Variants in ADAMTS12 observed in about 807,000 individuals in gnomAD.
The protein encoded by ADAMTS12 is ADAM metallopeptidase with thrombospondin type 1 motif 12.
In ADAMTS12, 118 loss-of-function variants were observed where a neutral mutation model predicts 167.8. The ratio of observed to expected loss-of-function variants is 0.70; its 90% CI spans 0.61 to 0.82. The LOEUF (loss-of-function observed/expected upper bound fraction) is 0.82. Among genes scored for constraint, ADAMTS12 ranks in the 40% least tolerant of loss-of-function variants. The pLI is 0.00. For missense variants in ADAMTS12, 1,916 were observed against 1,998.8 expected (o/e 0.96, Z 0.79); for synonymous variants, 704 against 716.9 (o/e 0.98, Z 0.29).
intron 3 of ADAMTS12, among the ~76,000 whole-genome samples, chr5:33,697,582 C>T (rs5015481): frequency 0.81 from 122,840 of 151,724 alleles, 49,800 homozygotes; most frequent in South Asian, 0.89. Context: ...TTCTCCTTTT[C>T]TTCCTTTTAG....
chr5:33,582,879 T>A (rs549117686), intron 18 of ADAMTS12, among the ~76,000 whole-genome samples: 2 of 152,370 alleles, frequency 1.3e-5, no homozygotes, highest in East Asian at 3.9e-4. Flanking sequence ...TAGGTGTATA[T>A]ATTTATGGGG....
At chr5:33,739,667 T>C (rs1043457603) in intron 3 of ADAMTS12, among the ~76,000 whole-genome samples, 1 of 152,194 alleles carries the variant, frequency 6.6e-6, no homozygotes, top group African/African-American at 2.4e-5. Flanking sequence ...TGACCCGTGA[T>C]GATGAGCTAG....
chr5:33,719,283 C>T (rs1743721963), intron 3 of ADAMTS12, among the ~76,000 whole-genome samples: 1 of 152,062 alleles, frequency 6.6e-6, no homozygotes. Context: ...AGAGTGCAGT[C>T]ATGAAGGGAG....
intron 2 of ADAMTS12, among the ~76,000 whole-genome samples, chr5:33,851,418 AT>A (rs1371244685): frequency 6.6e-6 from 1 of 152,348 alleles, no homozygotes; most frequent in Non-Finnish European, 1.5e-5. Context: ...TCTCAAAAAA[AT>A]AAAATAAAAT....
intron 2 of ADAMTS12, among the ~76,000 whole-genome samples, chr5:33,806,531 C>CA (rs1276529067): frequency 1.3e-5 from 2 of 152,198 alleles, no homozygotes; most frequent in Non-Finnish European, 2.9e-5. Flanking sequence ...AAATCCAAGT[C>CA]AAGGAGTCTC....
chr5:33,882,105 A>G (rs1055237953), intron 1 of ADAMTS12, among the ~76,000 whole-genome samples: 1 of 152,184 alleles, frequency 6.6e-6, no homozygotes, highest in African/African-American at 2.4e-5. Context: ...GAATCTTTCA[A>G]GTCTAGAGTT....
intron 18 of ADAMTS12, among the ~76,000 whole-genome samples, chr5:33,578,742 A>G (rs1746889981): frequency 6.6e-6 from 1 of 152,198 alleles, no homozygotes; most frequent in Non-Finnish European, 1.5e-5. Flanking sequence ...TTTCAATCAA[A>G]CATAATCACT....
chr5:33,792,314 C>T (rs949609759), intron 2 of ADAMTS12, among the ~76,000 whole-genome samples: 9 of 152,038 alleles, frequency 5.9e-5, no homozygotes, highest in African/African-American at 1.2e-4. Context: ...CTTTTAAGTC[C>T]GCTAGATTGG....
At chr5:33,557,653 G>A (rs543931507) in intron 20 of ADAMTS12, among the ~76,000 whole-genome samples, 49 of 152,146 alleles carry the variant, frequency 3.2e-4, no homozygotes, top group African/African-American at 1.1e-3. Context: ...TTAGAAAAAG[G>A]GGTCTCAATA....
At chr5:33,714,293 G>A (rs11738966) in intron 3 of ADAMTS12, among the ~76,000 whole-genome samples, 1 of 151,868 alleles carries the variant, frequency 6.6e-6, no homozygotes, top group African/African-American at 2.4e-5. Flanking sequence ...GCAAGGATGC[G>A]GAAGAAAAGG....
intron 1 of ADAMTS12, 135 bp from the exon 2 acceptor site, chr5:33,881,615 G>A: frequency 7.9e-7 from 1 of 1,271,730 alleles, no homozygotes; most frequent in Non-Finnish European, 1.1e-6. Flanking sequence ...AGGCTGGAGT[G>A]CAATGGCACG....
At chr5:33,610,347 G>T (rs993602030) in intron 16 of ADAMTS12, among the ~76,000 whole-genome samples, 1 of 152,158 alleles carries the variant, frequency 6.6e-6, no homozygotes, top group African/African-American at 2.4e-5. Flanking sequence ...TTTTCAGGAG[G>T]TACTTGATTT....
intron 17 of ADAMTS12, among the ~76,000 whole-genome samples, chr5:33,589,094 C>T (rs1412933553): frequency 1.3e-5 from 2 of 152,178 alleles, no homozygotes; most frequent in African/African-American, 2.4e-5. Context: ...AACTGAGGTC[C>T]AGGGTTCTGC....
intron 3 of ADAMTS12, among the ~76,000 whole-genome samples, chr5:33,693,442 T>C (rs184398808): frequency 3.9e-5 from 6 of 152,254 alleles, no homozygotes; most frequent in Admixed American, 2.6e-4. Context: ...CACAAACATA[T>C]TTACAGTTTG....
At chr5:33,812,190 G>A (rs1195099395) in intron 2 of ADAMTS12, among the ~76,000 whole-genome samples, 1 of 152,164 alleles carries the variant, frequency 6.6e-6, no homozygotes, top group East Asian at 1.9e-4. Flanking sequence ...TTGGGAGGCT[G>A]AGATGGGAAA....
intron 2 of ADAMTS12, among the ~76,000 whole-genome samples, chr5:33,814,059 A>G (rs1056876282): frequency 1.3e-5 from 2 of 152,112 alleles, no homozygotes; most frequent in African/African-American, 4.8e-5. Flanking sequence ...TTTTCTCCCA[A>G]TCTGTGGCTT....
intron 2 of ADAMTS12, among the ~76,000 whole-genome samples, chr5:33,756,513 A>G (rs1031206653): frequency 6.6e-6 from 1 of 152,224 alleles, no homozygotes; most frequent in African/African-American, 2.4e-5. Flanking sequence ...AGCCAAAATA[A>G]TAAGTCAGCA....
chr5:33,535,421 A>G lies in ADAMTS12; in HGVS notation c.4447-429T>C, dbSNP rs567510867. ...TCCTTGGGAATTTGAATTGAGACCC[A>G]GCCAGAGATTCCATCTAAGGCTGAA... On this transcript the variant is annotated intron_variant, in intron 22 of 23. Transcript: ENST00000504830. 7.3e-4 allele frequency among the ~76,000 whole-genome samples: 111 copies of G among 152,288 alleles called. 1 individual carries two copies. Among genetic ancestry groups the G allele is most frequent in the African/African-American group, 2.7e-3 (111 of 41,574 alleles).
intron 2 of ADAMTS12, among the ~76,000 whole-genome samples, chr5:33,787,817 A>C (rs1325668530): frequency 1.3e-5 from 2 of 152,212 alleles, no homozygotes; most frequent in Non-Finnish European, 2.9e-5. Flanking sequence ...ATATTTCTTC[A>C]ACACTTTACA....
Sources: gnomAD v4.1 joint callset for allele counts (sites outside exome capture counted in the v4.1 genomes callset) on GRCh38, gnomAD v4.1.1 for gene constraint, MANE v1.5 for transcripts, NCBI Gene and HGNC (gene_info 2026-07-23, HGNC 2026-07-21) for gene names.